ANXA4: variants seen among roughly 807,000 people sequenced by gnomAD.
ANXA4 encodes 35-beta calcimedin.
In ANXA4, 39 loss-of-function variants were observed where a neutral mutation model predicts 49.8. The observed-to-expected ratio is 0.78, with a 90% CI of 0.61 to 1.02. ANXA4 has a LOEUF of 1.02. Among genes scored for constraint, ANXA4 ranks in the 50% least tolerant of loss-of-function variants. The pLI, the probability that ANXA4 is intolerant of heterozygous loss-of-function variation, is 0.00. For synonymous variants in ANXA4, 134 were observed against 152.5 expected (o/e 0.88, Z 0.89); for missense variants, 360 against 410.1 (o/e 0.88, Z 1.05).
intron 7 of ANXA4, 72 bp downstream of exon 7, chr2:69,810,745 C>A: frequency 8.0e-7 from 1 of 1,246,310 alleles, no homozygotes; most frequent in South Asian, 1.2e-5. Flanking sequence ...CAGCCTTTCT[C>A]ATCCTTTCAG....
chr2:69,750,560 G>T (rs1274402297), intron 1 of ANXA4, among the ~76,000 whole-genome samples: 1 of 152,096 alleles, frequency 6.6e-6, no homozygotes, highest in African/African-American at 2.4e-5. Flanking sequence ...CTATAGGCAC[G>T]CGCTGCCACA....
intron 1 of ANXA4, among the ~76,000 whole-genome samples, chr2:69,752,899 C>CT (rs765623130): frequency 3.3e-5 from 5 of 152,338 alleles, no homozygotes; most frequent in Admixed American, 6.5e-5. Context: ...GCTAACTAGT[C>CT]TTTTCCAAAT....
chr2:69,709,478 T>A (rs978134394), intron 2 of ANXA4, among the ~76,000 whole-genome samples: 6 of 152,180 alleles, frequency 3.9e-5, no homozygotes, highest in Admixed American at 3.3e-4. Flanking sequence ...TTGGTCATTG[T>A]TTTCCATCAG....
At chr2:69,758,184 T>A (rs1671138442) in intron 1 of ANXA4, among the ~76,000 whole-genome samples, 1 of 152,160 alleles carries the variant, frequency 6.6e-6, no homozygotes, top group African/African-American at 2.4e-5. Flanking sequence ...AGGTAATTTT[T>A]GTGTTTTTTG....
intron 4 of ANXA4, 78 bp downstream of exon 4, chr2:69,804,705 C>G (rs772984390): frequency 3.3e-6 from 4 of 1,206,708 alleles, no homozygotes; most frequent in Non-Finnish European, 4.8e-6. Flanking sequence ...ATCTAGGTTC[C>G]CGAAGTGACC....
chr2:69,780,938 C>T (rs572908491), intron 1 of ANXA4, among the ~76,000 whole-genome samples: 7 of 151,996 alleles, frequency 4.6e-5, no homozygotes, highest in Non-Finnish European at 1.0e-4. Context: ...TGCTGAAAAC[C>T]GAGGACAAAG....
chr2:69,775,961 T>TTTTATTTATTTATTTA lies in ANXA4; in HGVS notation c.-46-5544_-46-5529dup, dbSNP rs61468872. Reference sequence around the variant, plus strand: ...TTCCAGGCCATTTTATTTATTTTTATTTTATTTATTTATTTATTTATTTAT... The same window carrying TTTTATTTATTTATTTA: ...TTCCAGGCCATTTTATTTATTTTTATTTTATTTATTTATTTATTTATTTATTTATTTATTTATTTAT... On this transcript the variant is annotated intron_variant, in intron 1 of 12. Coordinates refer to ENST00000394295, the MANE Select transcript of ANXA4 (RefSeq NM_001153.5). 7.0e-3 allele frequency among the ~76,000 whole-genome samples: 729 copies of TTTTATTTATTTATTTA among 104,560 alleles called. 7 individuals are homozygous for TTTTATTTATTTATTTA. The highest frequency in any genetic ancestry group is 0.015 in the African/African-American group (543 of 36,258). The allele number at this position is 104,560 out of a possible 152,430, so 68.6% of individuals were successfully genotyped here.
At chr2:69,822,917 T>C (rs1674305319) in intron 12 of ANXA4, among the ~76,000 whole-genome samples, 1 of 151,898 alleles carries the variant, frequency 6.6e-6, no homozygotes, top group Admixed American at 6.6e-5. Flanking sequence ...TATATATATA[T>C]ATTTTTTTAC....
intron 2 of ANXA4, among the ~76,000 whole-genome samples, chr2:69,706,425 C>T (rs11902521): frequency 0.036 from 5,416 of 150,430 alleles, 339 homozygotes; most frequent in African/African-American, 0.12. Flanking sequence ...CTCAGCCTCC[C>T]GAGTAGCTGG....
chr2:69,808,182 T>C (rs1033323383), intron 6 of ANXA4, 186 bp downstream of exon 6: 7 of 583,666 alleles, frequency 1.2e-5, no homozygotes, highest in Non-Finnish European at 2.1e-5. Flanking sequence ...CTCCTTAAGA[T>C]TTCTCAGGTG....
intron 1 of ANXA4, among the ~76,000 whole-genome samples, chr2:69,771,422 G>T (rs902299415): frequency 6.6e-6 from 1 of 152,204 alleles, no homozygotes; most frequent in Admixed American, 6.5e-5. Flanking sequence ...ATATCTTCCA[G>T]CAAGCCTGCT....
At chr2:69,719,556 C>T (rs1465791550) in intron 2 of ANXA4, among the ~76,000 whole-genome samples, 2 of 151,776 alleles carry the variant, frequency 1.3e-5, no homozygotes, top group Non-Finnish European at 2.9e-5. Flanking sequence ...TCTTGTGCCT[C>T]AGCCTCCTGA....
chr2:69,672,837 CG>C (rs1021177984), intron 2 of ANXA4, among the ~76,000 whole-genome samples: 7 of 151,742 alleles, frequency 4.6e-5, no homozygotes, highest in Admixed American at 3.9e-4. Context: ...TATTTTATGA[CG>C]CTGGTAGTGG....
chr2:69,754,049 A>G (rs1328455287), intron 1 of ANXA4, among the ~76,000 whole-genome samples: 1 of 152,232 alleles, frequency 6.6e-6, no homozygotes, highest in East Asian at 1.9e-4. Context: ...AGAGAATTTA[A>G]TTTGAAGTTT....
intron 2 of ANXA4, among the ~76,000 whole-genome samples, chr2:69,693,433 G>A (rs1678042954): frequency 6.6e-6 from 1 of 152,136 alleles, no homozygotes; most frequent in South Asian, 2.1e-4. Context: ...CAACTGAGGA[G>A]CATGTTTCCA....
At chr2:69,765,506 T>G (rs923896300) in intron 1 of ANXA4, among the ~76,000 whole-genome samples, 6 of 152,236 alleles carry the variant, frequency 3.9e-5, no homozygotes, top group East Asian at 3.9e-4. Context: ...GTAAAGAACA[T>G]TTTCATCACC....
At chr2:69,718,706 C>T (rs1018885598) in intron 2 of ANXA4, among the ~76,000 whole-genome samples, 19 of 152,072 alleles carry the variant, frequency 1.2e-4, no homozygotes, top group African/African-American at 2.7e-4. Flanking sequence ...CATGCACATG[C>T]GCACACATGC....
intron 2 of ANXA4, among the ~76,000 whole-genome samples, chr2:69,714,820 G>T (rs1282240948): frequency 6.6e-6 from 1 of 152,174 alleles, no homozygotes; most frequent in Admixed American, 6.5e-5. Flanking sequence ...TGGCTTCCCC[G>T]GGGCTTGTCC....
chr2:69,728,066 G>A (rs1670007306), intron 3 of ANXA4, among the ~76,000 whole-genome samples: 1 of 152,200 alleles, frequency 6.6e-6, no homozygotes. Flanking sequence ...TTCATATCAG[G>A]AAGAACACAA....
Sources: allele counts gnomAD v4.1 joint callset (sites outside exome capture counted in the v4.1 genomes callset), GRCh38; gene constraint gnomAD v4.1.1; transcripts MANE v1.5; gene names NCBI Gene and HGNC (gene_info 2026-07-23, HGNC 2026-07-21).